The following RAD54L2 variants were observed in gnomAD, a reference collection of about 807,000 sequenced individuals.
RAD54L2 encodes RAD54 like 2, also known as helicase ARIP4.
In RAD54L2, 27 loss-of-function variants were observed where a neutral mutation model predicts 138.4. That is an observed-to-expected ratio of 0.20 (90% CI 0.14 to 0.27). The LOEUF (loss-of-function observed/expected upper bound fraction) is 0.27. Ranked by LOEUF, RAD54L2 falls within the 10% of genes least tolerant of loss-of-function variation. The probability of loss-of-function intolerance (pLI) is 1.00; values close to 1 mark genes in which losing one functional copy is unlikely to be tolerated. For missense variants in RAD54L2, 1,396 were observed against 1,890.2 expected, an observed-to-expected ratio of 0.74 and a Z score of 4.85; for synonymous variants, 644 against 723.2, an observed-to-expected ratio of 0.89 and a Z score of 1.76.
chr3:51,624,202 T>TGTTTTA (rs1700627726), intron 3 of RAD54L2, among the ~76,000 whole-genome samples: 1 of 151,470 alleles, frequency 6.6e-6, no homozygotes, highest in Non-Finnish European at 1.5e-5. Context: ...TGGCAGACAT[T>TGTTTTA]GTTTTAGTTC....
At chr3:51,623,707 G>A (rs1700615801) in intron 3 of RAD54L2, among the ~76,000 whole-genome samples, 1 of 151,720 alleles carries the variant, frequency 6.6e-6, no homozygotes, top group African/African-American at 2.4e-5. Flanking sequence ...TGGGTATGGG[G>A]GCTCATGCCT....
chr3:51,557,830 CAAAAAAAAAAAAAA>C (rs1166273906), intron 2 of RAD54L2, among the ~76,000 whole-genome samples: 3 of 32,212 alleles, frequency 9.3e-5, no homozygotes, highest in Non-Finnish European at 1.4e-4. Context: ...AACTCCATCT[CAAAAAAAAAAAAAA>C]AAAAAAAAAA....
At chr3:51,656,506 C>A (rs1370148020) in intron 20 of RAD54L2, among the ~76,000 whole-genome samples, 1 of 152,050 alleles carries the variant, frequency 6.6e-6, no homozygotes, top group Non-Finnish European at 1.5e-5. Context: ...ATTGTAGACC[C>A]ATCTGGGTAT....
intron 3 of RAD54L2, among the ~76,000 whole-genome samples, chr3:51,591,025 T>G (rs1167665482): frequency 6.6e-6 from 1 of 152,190 alleles, no homozygotes; most frequent in Non-Finnish European, 1.5e-5. Flanking sequence ...TTAGACAGAT[T>G]CACAACTTCA....
At chr3:51,641,621 G>A (rs1701138961) in intron 14 of RAD54L2, 128 bp from the exon 15 acceptor site, 1 of 631,920 alleles carries the variant, frequency 1.6e-6, no homozygotes, top group East Asian at 2.8e-5. Context: ...CCAACCTAGA[G>A]TTACCTCTTT....
Position 51,629,473 on chromosome 3 carries a change from G to C in RAD54L2, c.481G>C (p.Glu161Gln). The change falls in exon 5 of 23, where the codon GAG becomes CAG. Residue 161 changes from glutamate to glutamine, a missense_variant and splice_region_variant. Physicochemically the swap from Glu to Gln is conservative, Grantham distance 29. Coordinates refer to ENST00000684192, the MANE Select transcript of RAD54L2 (RefSeq NM_015106.4). ...TACTGTTCCGCTGGAGTTCCTCCCT[G>C]GTAAGCAGTGGACATGGCAGGGAAG... is the stretch of plus-strand genomic sequence containing the variant. ...IPTVPLEFLP[E>Q]EIALRASDGP... 1.9e-6 allele frequency: 3 copies of C among 1,612,184 alleles called. No homozygotes were observed. The highest frequency in any genetic ancestry group is 2.5e-6 in the Non-Finnish European group (3 of 1,179,254).
intron 13 of RAD54L2, 30 bp from the exon 14 acceptor site, chr3:51,639,851 G>A (rs760253066): frequency 9.0e-5 from 138 of 1,541,706 alleles, no homozygotes; most frequent in Non-Finnish European, 1.1e-4. Flanking sequence ...CCTTGGACCT[G>A]CTCTAAGCTG....
chr3:51,573,408 C>T (rs72951478), intron 2 of RAD54L2, among the ~76,000 whole-genome samples: 2 of 151,920 alleles, frequency 1.3e-5, no homozygotes, highest in African/African-American at 4.8e-5. Flanking sequence ...TATTAACTAA[C>T]TACAGAGAAT....
intron 2 of RAD54L2, among the ~76,000 whole-genome samples, chr3:51,581,041 G>A (rs886466327): frequency 1.2e-4 from 18 of 152,158 alleles, no homozygotes; most frequent in African/African-American, 4.3e-4. Context: ...TGTAGGTGTA[G>A]CTATTTTAAA....
At chr3:51,630,962 T>C (rs767729440) in intron 7 of RAD54L2, 31 bp downstream of exon 7, 2 of 1,569,242 alleles carry the variant, frequency 1.3e-6, no homozygotes, top group South Asian at 2.2e-5. Context: ...TTTCTCCTTT[T>C]CCTTTTTGTT....
intron 2 of RAD54L2, among the ~76,000 whole-genome samples, chr3:51,549,734 C>T (rs182937709): frequency 6.7e-6 from 1 of 149,336 alleles, no homozygotes; most frequent in Admixed American, 6.7e-5. Flanking sequence ...ACTGAGATCA[C>T]GCCACTGCAC....
In RAD54L2 at chr3:51,638,646, A is replaced by G. The variant is rs1436829026; in HGVS notation, c.1860+325A>G. The stretch of plus-strand genomic sequence containing the variant: ...TGACTGCTAGCATAATCAGAATTCA[A>G]GAGATATATAGCTTAGACAAGTTAT... On this transcript the variant is annotated intron_variant, in intron 12 of 22. Transcript: ENST00000684192. The surrounding 1 kb of genome is among the most constrained non-coding windows in gnomAD (Gnocchi z 4.3). The G allele has an allele frequency of 4.0e-6, 1 of 247,132 alleles. No homozygotes were observed. The highest frequency in any genetic ancestry group is 7.8e-6 in the Non-Finnish European group (1 of 128,408). 15.3% of individuals were successfully genotyped at this position (247,132 alleles called of 1,614,324 possible). A position where few individuals can be genotyped will look rare whatever the true frequency, so the allele number is the denominator to read the frequency against.
intron 19 of RAD54L2, among the ~76,000 whole-genome samples, chr3:51,650,805 A>G (rs1324521455): frequency 1.3e-5 from 2 of 152,248 alleles, no homozygotes; most frequent in Non-Finnish European, 2.9e-5. Context: ...AGGGATATTT[A>G]TAGCACTAAA....
At chr3:51,549,613 A>G (rs1577381449) in intron 2 of RAD54L2, among the ~76,000 whole-genome samples, 1 of 152,042 alleles carries the variant, frequency 6.6e-6, no homozygotes, top group East Asian at 1.9e-4. Flanking sequence ...CCTCATCTCT[A>G]CTAAAAACAC....
chr3:51,553,355 C>T (rs779805485), intron 2 of RAD54L2, among the ~76,000 whole-genome samples: 4 of 152,130 alleles, frequency 2.6e-5, no homozygotes, highest in Non-Finnish European at 4.4e-5. Flanking sequence ...GGATTACAGG[C>T]GTGAGCCACT....
intron 16 of RAD54L2, 28 bp downstream of exon 16, chr3:51,644,002 A>G: frequency 1.3e-6 from 2 of 1,551,600 alleles, no homozygotes; most frequent in Non-Finnish European, 1.8e-6. Context: ...GGGGAGGTCA[A>G]AGGAATCTGT....
chr3:51,583,151 A>C (rs1699644830), intron 2 of RAD54L2, among the ~76,000 whole-genome samples: 1 of 152,198 alleles, frequency 6.6e-6, no homozygotes, highest in Admixed American at 6.5e-5. Flanking sequence ...AAACAATAAA[A>C]TTGGAAGAGT....
At chr3:51,589,665 C>CAT (rs34093585) in intron 2 of RAD54L2, among the ~76,000 whole-genome samples, 7,920 of 127,686 alleles carry the variant, frequency 0.062, 274 homozygotes, top group African/African-American at 0.1. Context: ...GGACTCTATA[C>CAT]ATATATATAT....
intron 2 of RAD54L2, among the ~76,000 whole-genome samples, chr3:51,589,711 CACACACAT>C: frequency 1.5e-5 from 2 of 133,896 alleles, no homozygotes; most frequent in South Asian, 5.1e-4. Flanking sequence ...CACACACATA[CACACACAT>C]ATATGTATAT....
Sources: allele counts gnomAD v4.1 joint callset (sites outside exome capture counted in the v4.1 genomes callset), GRCh38; gene constraint gnomAD v4.1.1; non-coding constraint Gnocchi (gnomAD v3.1); transcripts MANE v1.5; gene names NCBI Gene and HGNC (gene_info 2026-07-23, HGNC 2026-07-21).